Variants in PXDNL observed in about 807,000 individuals in gnomAD.
The protein encoded by PXDNL is probable oxidoreductase PXDNL.
Under a neutral mutation model 150.8 loss-of-function variants are expected in PXDNL, and 145 were observed. That is an observed-to-expected ratio of 0.96 (90% CI 0.84 to 1.10). PXDNL has a LOEUF of 1.10. PXDNL is among the 50% of genes least tolerant of loss of function. The pLI is 0.00. For synonymous variants in PXDNL, 757 were observed against 725.7 expected (o/e 1.04, Z -0.69); for missense variants, 2,087 against 1,873.9 (o/e 1.11, Z -2.10).
At chr8:51,687,140 G>A (rs1042273193) in intron 1 of PXDNL, among the ~76,000 whole-genome samples, 1 of 152,144 alleles carries the variant, frequency 6.6e-6, no homozygotes, top group Non-Finnish European at 1.5e-5. Context: ...TTAGGAAGTA[G>A]TAACTACAAA....
At chr8:51,709,462 G>C (rs551982477) in intron 1 of PXDNL, among the ~76,000 whole-genome samples, 1 of 151,996 alleles carries the variant, frequency 6.6e-6, no homozygotes, top group East Asian at 1.9e-4. Context: ...CACCGTGTTC[G>C]CCAGGATGTT....
At chr8:51,732,319 C>T (rs191775673) in intron 1 of PXDNL, among the ~76,000 whole-genome samples, 10 of 152,322 alleles carry the variant, frequency 6.6e-5, no homozygotes, top group East Asian at 1.9e-4. Flanking sequence ...AACATAGCAA[C>T]GGTCACCTTA....
At position 51,688,632 on chromosome 8, in the gene PXDNL, C is replaced by T. The variant is rs149212759; in HGVS notation, c.165-33872G>A. Among the ~76,000 whole-genome samples, 405 of 152,234 alleles carry T rather than the reference C, an allele frequency of 2.7e-3. 2 individuals carry two copies. Among genetic ancestry groups the T allele is most frequent in the African/African-American group, 9.5e-3 (396 of 41,550 alleles). ...GGTAACATTTAATTTTTATTAGCCC[C>T]TCTATCCTAACCTCTAATGCTTGCA... On this transcript the variant is annotated intron_variant, in intron 1 of 22. Coordinates refer to ENST00000356297, the MANE Select transcript of PXDNL (RefSeq NM_144651.5).
rs567592245 is a variant in PXDNL at position 51,709,291 on chromosome 8, G to A, written c.165-54531C>T. ...TCTTTTTGAGACGGAGTCTCACTCT[G>A]TTGCCCAGGCTGGAGTGCAATGGTG... is the stretch of plus-strand genomic sequence containing the variant. On this transcript the variant is annotated intron_variant, in intron 1 of 22. Coordinates refer to ENST00000356297, the MANE Select transcript of PXDNL (RefSeq NM_144651.5). Among the ~76,000 whole-genome samples, 232 of 148,782 alleles carry A rather than the reference G, an allele frequency of 1.6e-3. 1 individual carries two copies. Among genetic ancestry groups the A allele is most frequent in the African/African-American group, 5.6e-3 (224 of 40,144 alleles).
At chr8:51,682,660 C>G (rs1052525451) in intron 1 of PXDNL, among the ~76,000 whole-genome samples, 1 of 152,114 alleles carries the variant, frequency 6.6e-6, no homozygotes, top group Non-Finnish European at 1.5e-5. Flanking sequence ...AGTCTGTTTT[C>G]TTAGAAATGT....
chr8:51,651,137 A>G (rs1815024492), intron 2 of PXDNL, among the ~76,000 whole-genome samples: 1 of 152,246 alleles, frequency 6.6e-6, no homozygotes, highest in Admixed American at 6.5e-5. Context: ...TAACAATAAT[A>G]TTAATACATA....
intron 4 of PXDNL, among the ~76,000 whole-genome samples, chr8:51,535,496 T>C (rs1812049710): frequency 8.3e-6 from 1 of 120,136 alleles, no homozygotes; most frequent in Non-Finnish European, 1.6e-5. Context: ...AGATGTGCTT[T>C]GTTAAACAGA....
chr8:51,654,892 C>T (rs1345476483), intron 1 of PXDNL, 132 bp from the exon 2 acceptor site: 2 of 706,336 alleles, frequency 2.8e-6, no homozygotes, highest in African/African-American at 3.6e-5. Flanking sequence ...ATAATTAAGA[C>T]AGAACTAGTG....
intron 6 of PXDNL, among the ~76,000 whole-genome samples, chr8:51,478,364 A>C (rs1220457085): frequency 2.4e-4 from 36 of 152,222 alleles, no homozygotes; most frequent in Non-Finnish European, 2.9e-5. Flanking sequence ...ATAATTACTC[A>C]CTTGGAATAT....
At chr8:51,553,121 CTG>C (rs368901876) in intron 4 of PXDNL, among the ~76,000 whole-genome samples, 7 of 152,378 alleles carry the variant, frequency 4.6e-5, no homozygotes, top group African/African-American at 1.7e-4. Flanking sequence ...TTCCTTGACT[CTG>C]TGTCCTGCCT....
At chr8:51,417,233 T>A (rs890245699) in intron 14 of PXDNL, among the ~76,000 whole-genome samples, 6 of 152,214 alleles carry the variant, frequency 3.9e-5, no homozygotes, top group Admixed American at 2.6e-4. Flanking sequence ...GACAACTAGA[T>A]CATTTTTCTT....
chr8:51,457,627 A>T lies in PXDNL; in HGVS notation c.853T>A (p.Phe285Ile). ...DLEDDTRLNV[F>I]DDGTLMIRNT... ...CGGATCATGAGTGTGCCATCATCAA[A>T]CACATTAAGTCGAGTATCATCTTCC... is the stretch of plus-strand genomic sequence containing the variant. Residue 285 changes from phenylalanine (F) to isoleucine (I), a missense_variant, in exon 9 of 23, where the codon TTT (phenylalanine) becomes ATT (isoleucine). Transcript: ENST00000356297. The T allele has an allele frequency of 6.2e-7, 1 of 1,613,842 alleles. No homozygotes were observed. The highest frequency in any genetic ancestry group is 8.5e-7 in the Non-Finnish European group (1 of 1,179,830).
intron 12 of PXDNL, among the ~76,000 whole-genome samples, chr8:51,440,845 C>A (rs1809527891): frequency 6.6e-6 from 1 of 152,056 alleles, no homozygotes; most frequent in African/African-American, 2.4e-5. Flanking sequence ...GAGATGTGTC[C>A]CAGCCATGAG....
intron 5 of PXDNL, among the ~76,000 whole-genome samples, chr8:51,485,192 T>A (rs1293796986): frequency 6.6e-6 from 1 of 152,188 alleles, no homozygotes; most frequent in African/African-American, 2.4e-5. Flanking sequence ...GGGGCCAAAC[T>A]ATTTCTACTA....
At chr8:51,712,148 G>C (rs948033293) in intron 1 of PXDNL, among the ~76,000 whole-genome samples, 1 of 152,206 alleles carries the variant, frequency 6.6e-6, no homozygotes, top group African/African-American at 2.4e-5. Context: ...CATTGTCTGG[G>C]TGTGGTAACA....
intron 2 of PXDNL, among the ~76,000 whole-genome samples, chr8:51,608,094 CAAG>C (rs1413151708): frequency 7.0e-6 from 1 of 143,110 alleles, no homozygotes; most frequent in South Asian, 2.2e-4. Flanking sequence ...AGCAAGCAAG[CAAG>C]CAAGCAAGCA....
chr8:51,644,402 A>ACG (rs1814865845), intron 2 of PXDNL, among the ~76,000 whole-genome samples: 1 of 49,628 alleles, frequency 2.0e-5, no homozygotes, highest in African/African-American at 7.6e-5. Context: ...GTATATATAT[A>ACG]CACATGTGTG....
intron 5 of PXDNL, among the ~76,000 whole-genome samples, chr8:51,498,214 A>T (rs948116894): frequency 2.7e-5 from 4 of 147,236 alleles, no homozygotes; most frequent in Non-Finnish European, 6.0e-5. Context: ...TGTCACTCAT[A>T]GGTGGGAATT....
intron 8 of PXDNL, among the ~76,000 whole-genome samples, chr8:51,466,387 A>C (rs1810206107): frequency 6.6e-6 from 1 of 152,192 alleles, no homozygotes; most frequent in Non-Finnish European, 1.5e-5. Flanking sequence ...CACCATATAC[A>C]AAAATCAACT....
Sources: gnomAD v4.1 joint callset for allele counts (sites outside exome capture counted in the v4.1 genomes callset) on GRCh38, gnomAD v4.1.1 for gene constraint, MANE v1.5 for transcripts, NCBI Gene and HGNC (gene_info 2026-07-23, HGNC 2026-07-21) for gene names.